AGPS: variants seen among roughly 807,000 people sequenced by gnomAD.
AGPS encodes alkyldihydroxyacetonephosphate synthase, peroxisomal.
In AGPS, 26 loss-of-function variants were observed where a neutral mutation model predicts 90.7. That is an observed-to-expected ratio of 0.29 (90% CI 0.21 to 0.40). The LOEUF is 0.40. Among genes scored for constraint, AGPS ranks in the 10% least tolerant of loss-of-function variants. AGPS has a pLI of 1.00. For synonymous variants in AGPS, 294 were observed against 285.3 expected, an observed-to-expected ratio of 1.03 and a Z score of -0.31; for missense variants, 540 against 816.1, an observed-to-expected ratio of 0.66 and a Z score of 4.12.
chr2:177,538,030 G>A lies in AGPS; in HGVS notation c.1856-44G>A, dbSNP rs376632086. The stretch of plus-strand genomic sequence containing the variant: ...TGGTCACAAGATTGATTGGTTCCCA[G>A]TATCATAGCATATATTGAAGCATTT... On this transcript the variant is annotated intron_variant, in intron 19 of 19. Coordinates refer to ENST00000264167, the MANE Select transcript of AGPS (RefSeq NM_003659.4). 4.0e-5 allele frequency: 64 copies of A among 1,610,314 alleles called. No homozygotes were observed. In the Middle Eastern group the frequency reaches 4.9e-4, roughly 12 times the overall value.
At chr2:177,445,306 T>C (rs1291744470) in intron 7 of AGPS, among the ~76,000 whole-genome samples, 1 of 152,200 alleles carries the variant, frequency 6.6e-6, no homozygotes, top group East Asian at 1.9e-4. Context: ...AATTAACCTC[T>C]GAATAAAGAC....
At chr2:177,497,355 A>C (rs1374158173) in intron 12 of AGPS, among the ~76,000 whole-genome samples, 1 of 151,922 alleles carries the variant, frequency 6.6e-6, no homozygotes, top group Admixed American at 6.6e-5. Flanking sequence ...AAAATTAATG[A>C]AGTAATTTTA....
chr2:177,393,398 AGC>A (rs913465586), intron 1 of AGPS: 1 of 985,234 alleles, frequency 1.0e-6, no homozygotes, highest in African/African-American at 1.7e-5. Flanking sequence ...TGGAATGGGT[AGC>A]AGAGGTTCTA....
intron 10 of AGPS, among the ~76,000 whole-genome samples, chr2:177,475,341 G>A (rs1011906639): frequency 3.3e-5 from 5 of 152,120 alleles, no homozygotes; most frequent in Non-Finnish European, 1.5e-5. Context: ...CTGTGTTAGG[G>A]GGTAAGACAG....
intron 3 of AGPS, 104 bp downstream of exon 3, chr2:177,434,521 T>G (rs1686340534): frequency 9.0e-6 from 8 of 893,042 alleles, no homozygotes; most frequent in Non-Finnish European, 1.2e-5. Context: ...ACTGCAACTG[T>G]CATGTTTTTT....
chr2:177,523,836 ATTC>A (rs766047071), intron 19 of AGPS, 31 bp downstream of exon 19: 1 of 1,561,130 alleles, frequency 6.4e-7, no homozygotes, highest in Non-Finnish European at 8.8e-7. Flanking sequence ...AATTTCTAAT[ATTC>A]TTACTTTAAA....
rs1249085247 is a variant in AGPS at position 177,539,621 on chromosome 2, A to G, written c.*1426A>G. 1 of 152,068 alleles carries G rather than the reference A, an allele frequency of 6.6e-6. No homozygotes were observed. The highest frequency in any genetic ancestry group is 6.6e-5 in the Admixed American group (1 of 15,238). 9.4% of individuals were successfully genotyped at this position (152,068 alleles called of 1,614,324 possible). On this transcript the variant is annotated 3_prime_UTR_variant, in exon 20 of 20. Transcript: ENST00000264167. ...CAACAGCTCCAAAGTATTTTTGGGC[A>G]GTTTGATACCTTTTATATCTGAAGT...
rs1443386181 is a variant in AGPS at position 177,421,553 on chromosome 2, T to A, written c.350+1195T>A. Among the ~76,000 whole-genome samples the A allele has an allele frequency of 3.9e-5, 6 of 152,098 alleles. 1 individual carries two copies. Among genetic ancestry groups the A allele is most frequent in the African/African-American group, 7.2e-5 (3 of 41,448 alleles). On this transcript the variant is annotated intron_variant, in intron 2 of 19. Transcript: ENST00000264167. ...GAAGATGTACATTTGACTTTTTTTT[T>A]AATTAGGAAAATAAATATTATCTGT...
chr2:177,425,078 T>A (rs1686039558), intron 2 of AGPS, among the ~76,000 whole-genome samples: 1 of 152,228 alleles, frequency 6.6e-6, no homozygotes, highest in South Asian at 2.1e-4. Flanking sequence ...CTCTTTAGTT[T>A]AATTAGATCT....
In AGPS at chr2:177,444,230, G is replaced by C. The variant is rs149104169; in HGVS notation, c.790-1316G>C. On this transcript the variant is annotated intron_variant, in intron 7 of 19. Transcript: ENST00000264167. ...GAGGCCAGGAGTTCTAGACCAGCCT[G>C]GCCAATGTGGTGAAACCCTGTCCCT... 6.5e-3 allele frequency among the ~76,000 whole-genome samples: 989 copies of C among 152,068 alleles called. 9 individuals carry two copies. Among genetic ancestry groups the C allele is most frequent in the African/African-American group, 0.023 (948 of 41,504 alleles).
At chr2:177,432,089 A>G (rs1043605511) in intron 2 of AGPS, among the ~76,000 whole-genome samples, 1 of 152,152 alleles carries the variant, frequency 6.6e-6, no homozygotes, top group African/African-American at 2.4e-5. Context: ...GCTGCCCCAG[A>G]GTGAGAGTCA....
At chr2:177,487,380 T>C (rs1437472357) in intron 11 of AGPS, among the ~76,000 whole-genome samples, 1 of 152,196 alleles carries the variant, frequency 6.6e-6, no homozygotes, top group Non-Finnish European at 1.5e-5. Context: ...ATGCAGCTTT[T>C]CTTCCCACTA....
chr2:177,483,976 T>C (rs1215111988), intron 11 of AGPS, among the ~76,000 whole-genome samples: 1 of 149,124 alleles, frequency 6.7e-6, no homozygotes, highest in Admixed American at 6.7e-5. Context: ...GTTTTGCCTA[T>C]GAATTAATAC....
At chr2:177,413,421 G>C (rs944014633) in intron 1 of AGPS, among the ~76,000 whole-genome samples, 6 of 152,192 alleles carry the variant, frequency 3.9e-5, no homozygotes, top group East Asian at 3.9e-4. Flanking sequence ...TTATGGATTG[G>C]TCAGTATAAT....
At chr2:177,493,461 GAAAAGGCTTTT>G (rs1359693772) in intron 12 of AGPS, among the ~76,000 whole-genome samples, 1 of 152,168 alleles carries the variant, frequency 6.6e-6, no homozygotes, top group Non-Finnish European at 1.5e-5. Context: ...TAAAGAGTCA[GAAAAGGCTTTT>G]ATAAGAGAGA....
chr2:177,465,324 A>T (rs1305198707), intron 9 of AGPS, among the ~76,000 whole-genome samples: 2 of 85,542 alleles, frequency 2.3e-5, no homozygotes, highest in Non-Finnish European at 5.4e-5. Context: ...TATTAAATAC[A>T]TATCATTTTG....
chr2:177,424,662 C>T (rs1297243115), intron 2 of AGPS, among the ~76,000 whole-genome samples: 1 of 152,174 alleles, frequency 6.6e-6, no homozygotes, highest in African/African-American at 2.4e-5. Context: ...GAGGAATCAC[C>T]ACACTGTCTT....
chr2:177,453,292 A>C (rs1687007293), intron 8 of AGPS, among the ~76,000 whole-genome samples: 1 of 150,224 alleles, frequency 6.7e-6, no homozygotes, highest in Admixed American at 6.6e-5. Context: ...TCTTTGAGAC[A>C]GAGAGTTTCA....
chr2:177,504,981 G>C (rs937508101), intron 14 of AGPS, among the ~76,000 whole-genome samples: 1 of 151,998 alleles, frequency 6.6e-6, no homozygotes, highest in African/African-American at 2.4e-5. Flanking sequence ...ATAGTAGTAA[G>C]ACCTTACCTG....
Sources: allele counts gnomAD v4.1 joint callset (sites outside exome capture counted in the v4.1 genomes callset), GRCh38; gene constraint gnomAD v4.1.1; transcripts MANE v1.5; gene names NCBI Gene and HGNC (gene_info 2026-07-23, HGNC 2026-07-21).